Variants in IL1RAPL1 observed in about 807,000 individuals in gnomAD.
IL1RAPL1 encodes interleukin-1 receptor accessory protein-like 1.
In IL1RAPL1, 3 loss-of-function variants were observed where a neutral mutation model predicts 48.4. The observed-to-expected ratio is 0.06, with a 90% CI of 0.03 to 0.16. The LOEUF (loss-of-function observed/expected upper bound fraction) is 0.16, where lower values mean the gene tolerates loss of function less well. IL1RAPL1 is among the 10% of genes least tolerant of loss of function. The pLI is 1.00. For synonymous variants in IL1RAPL1, 185 were observed against 187.7 expected (o/e 0.99, Z 0.12); for missense variants, 349 against 530.6 (o/e 0.66, Z 3.36).
At chrX:29,777,793 A>G (rs1167965146) in intron 6 of IL1RAPL1, among the ~76,000 whole-genome samples, 1 of 111,036 alleles carries the variant, frequency 9.0e-6, no homozygotes, top group Non-Finnish European at 1.9e-5. Context: ...ATTCAATAAA[A>G]TTGATATAAA....
chrX:29,100,079 G>A (rs1928302251), intron 2 of IL1RAPL1, among the ~76,000 whole-genome samples: 1 of 110,263 alleles, frequency 9.1e-6, no homozygotes, highest in Non-Finnish European at 1.9e-5. Context: ...GGGTGTGGTG[G>A]CATGCGCTTG....
intron 1 of IL1RAPL1, among the ~76,000 whole-genome samples, chrX:28,591,585 T>G (rs1346585685): frequency 8.9e-6 from 1 of 112,103 alleles, no homozygotes; most frequent in South Asian, 3.7e-4. Context: ...ATGCTCAAGT[T>G]ATAAAGCATA....
intron 2 of IL1RAPL1, among the ~76,000 whole-genome samples, chrX:29,103,771 A>G (rs758644538): frequency 8.9e-6 from 1 of 111,937 alleles, no homozygotes; most frequent in South Asian, 3.7e-4. Context: ...CAACAATTCT[A>G]TGGGAAAAAA....
At chrX:29,682,321 C>A (rs1926477690) in intron 6 of IL1RAPL1, among the ~76,000 whole-genome samples, 1 of 111,078 alleles carries the variant, frequency 9.0e-6, no homozygotes, top group Admixed American at 9.6e-5. Context: ...AAGCCCACGC[C>A]ACTGACCAGG....
chrX:28,802,873 G>A (rs959514577), intron 2 of IL1RAPL1, among the ~76,000 whole-genome samples: 2 of 111,569 alleles, frequency 1.8e-5, no homozygotes, highest in African/African-American at 6.5e-5. Flanking sequence ...AACACAGGGA[G>A]AAATAAACAT....
intron 2 of IL1RAPL1, among the ~76,000 whole-genome samples, chrX:28,914,386 T>C (rs1455442623): frequency 2.7e-5 from 3 of 111,822 alleles, no homozygotes; most frequent in Non-Finnish European, 3.8e-5. Flanking sequence ...CCATCTACCA[T>C]TGAATAATTT....
At chrX:28,660,306 T>C (rs1402057154) in intron 1 of IL1RAPL1, among the ~76,000 whole-genome samples, 1 of 111,213 alleles carries the variant, frequency 9.0e-6, no homozygotes, top group African/African-American at 3.3e-5. Flanking sequence ...AGTTATTTGT[T>C]ACACCTGTTT....
chrX:29,015,141 A>C, intron 2 of IL1RAPL1, among the ~76,000 whole-genome samples: 1 of 111,355 alleles, frequency 9.0e-6, no homozygotes, highest in East Asian at 2.8e-4. Context: ...TCTAAAGGAA[A>C]TGCTTTGTTT....
chrX:29,914,323 G>A (rs188989673), intron 6 of IL1RAPL1, among the ~76,000 whole-genome samples: 66 of 111,981 alleles, frequency 5.9e-4, no homozygotes, highest in African/African-American at 1.9e-3. Flanking sequence ...AGTTGATGTC[G>A]GAAAGAAAGG....
rs34164964 is a variant in IL1RAPL1, at chrX:29,366,553, ATTTTTTTTTTT to A, written c.363-29682_363-29672del. ...GTTTTCTGATATTTTTGATAGGTCAATTTTTTTTTTTTTTTTTTTTTTTTTTTTTTTTTGAG... is the reference window on the plus strand; with the variant it reads ...GTTTTCTGATATTTTTGATAGGTCAATTTTTTTTTTTTTTTTTTTTTTGAG... On this transcript the variant is annotated intron_variant, in intron 3 of 10. Transcript: ENST00000378993. Among the ~76,000 whole-genome samples the A allele has an allele frequency of 1.2e-3, 43 of 37,258 alleles. No homozygotes were observed. In the East Asian group the frequency reaches 0.04, roughly 35 times the overall value. 32.4% of individuals were successfully genotyped at this position (37,258 alleles called of 115,157 possible). A position where few individuals can be genotyped will look rare whatever the true frequency, so the allele number is the denominator to read the frequency against.
Position 29,813,986 on chromosome X carries a change from AC to A in IL1RAPL1, c.779-103475del, listed in dbSNP as rs767722903. ...GCACCACATTTTCTTTATCCAATCC[AC>A]CCATTGATGGGAAGCTAGGTTGATT... On this transcript the variant is annotated intron_variant, in intron 6 of 10. Coordinates refer to ENST00000378993, the MANE Select transcript of IL1RAPL1 (RefSeq NM_014271.4). Among the ~76,000 whole-genome samples the A allele has an allele frequency of 3.8e-3, 425 of 111,218 alleles. 3 individuals are homozygous for A. The highest frequency in any genetic ancestry group is 0.013 in the African/African-American group (400 of 30,597).
intron 1 of IL1RAPL1, among the ~76,000 whole-genome samples, chrX:28,692,946 A>G (rs1453153927): frequency 8.9e-6 from 1 of 111,958 alleles, no homozygotes; most frequent in Non-Finnish European, 1.9e-5. Context: ...TCATGTAGGT[A>G]TACAATGTGG....
chrX:29,070,049 A>C (rs960872572), intron 2 of IL1RAPL1, among the ~76,000 whole-genome samples: 1 of 112,256 alleles, frequency 8.9e-6, no homozygotes, highest in Admixed American at 9.5e-5. Flanking sequence ...GATGTGAAAC[A>C]TGCCTAGAAG....
At chrX:29,696,053 C>G (rs920105222) in intron 6 of IL1RAPL1, among the ~76,000 whole-genome samples, 2 of 111,279 alleles carry the variant, frequency 1.8e-5, no homozygotes, top group Non-Finnish European at 3.8e-5. Context: ...TTTAGTGAGG[C>G]CTTAGAACAG....
rs113825011 is a variant in IL1RAPL1 at position 29,027,948 on chromosome X, G to A, written c.82+238523G>A. Among the ~76,000 whole-genome samples, 579 of 108,811 alleles carry A rather than the reference G, an allele frequency of 5.3e-3. 4 individuals carry two copies. The highest frequency in any genetic ancestry group is 0.018 in the African/African-American group (539 of 29,792). The allele number at this position is 108,811 out of a possible 115,157, so 94.5% of individuals were successfully genotyped here. A position where few individuals can be genotyped will look rare whatever the true frequency, so the allele number is the denominator to read the frequency against. On this transcript the variant is annotated intron_variant, in intron 2 of 10. Transcript: ENST00000378993. Reference sequence around the variant, plus strand: ...TGTGTGTGTGTGTGTGTGTGTGTGTGTATATTATATATATATAAATGTACT... The same window carrying A: ...TGTGTGTGTGTGTGTGTGTGTGTGTATATATTATATATATATAAATGTACT...
intron 6 of IL1RAPL1, among the ~76,000 whole-genome samples, chrX:29,710,586 A>G (rs1368099307): frequency 5.7e-5 from 6 of 105,794 alleles, no homozygotes; most frequent in African/African-American, 2.1e-4. Context: ...ATATATACAC[A>G]CATACATATA....
At chrX:28,988,336 T>C (rs1925524485) in intron 2 of IL1RAPL1, among the ~76,000 whole-genome samples, 1 of 112,064 alleles carries the variant, frequency 8.9e-6, no homozygotes, top group Admixed American at 9.5e-5. Flanking sequence ...GTGGAGGTGG[T>C]ATATTCTTGG....
At chrX:28,808,526 T>G (rs1377582083) in intron 2 of IL1RAPL1, among the ~76,000 whole-genome samples, 1 of 111,317 alleles carries the variant, frequency 9.0e-6, no homozygotes, top group Non-Finnish European at 1.9e-5. Flanking sequence ...CATGTTTTAC[T>G]ATTTCATATA....
intron 5 of IL1RAPL1, among the ~76,000 whole-genome samples, chrX:29,472,696 C>T (rs1388371044): frequency 8.9e-6 from 1 of 111,823 alleles, no homozygotes. Flanking sequence ...CACATACTCC[C>T]CGTGTGAACT....
Sources: gnomAD v4.1 joint callset for allele counts (sites outside exome capture counted in the v4.1 genomes callset) on GRCh38, gnomAD v4.1.1 for gene constraint, MANE v1.5 for transcripts, NCBI Gene and HGNC (gene_info 2026-07-23, HGNC 2026-07-21) for gene names.